ANKFN1: variants seen among roughly 807,000 people sequenced by gnomAD.
The protein encoded by ANKFN1 is ankyrin repeat and fibronectin type-III domain-containing protein 1.
Under a neutral mutation model 108.7 loss-of-function variants are expected in ANKFN1, and 74 were observed. That is an observed-to-expected ratio of 0.68 (90% CI 0.56 to 0.83). The LOEUF is 0.83. Ranked by LOEUF, ANKFN1 falls within the 40% of genes least tolerant of loss-of-function variation. The probability of loss-of-function intolerance (pLI) is 0.00; values close to 1 mark genes in which losing one functional copy is unlikely to be tolerated. For missense variants in ANKFN1, 1,505 were observed against 1,382.3 expected, an observed-to-expected ratio of 1.09 and a Z score of -1.41; for synonymous variants, 547 against 516.2, an observed-to-expected ratio of 1.06 and a Z score of -0.81.
intron 3 of ANKFN1, chr17:56,323,149 C>T (rs1567912798): frequency 6.6e-6 from 1 of 152,050 alleles, no homozygotes; most frequent in Non-Finnish European, 1.5e-5. Context: ...AGGGGAAGTT[C>T]TGAGTGTGGA....
chr17:56,053,807 C>T (rs1234621869), intron 4 of ANKFN1, among the ~76,000 whole-genome samples: 1 of 152,088 alleles, frequency 6.6e-6, no homozygotes, highest in South Asian at 2.1e-4. Context: ...CACATCTTCA[C>T]CAGCATTTGA....
At chr17:56,465,867 T>G (rs1023062276) in intron 14 of ANKFN1, among the ~76,000 whole-genome samples, 1 of 152,202 alleles carries the variant, frequency 6.6e-6, no homozygotes, top group Non-Finnish European at 1.5e-5. Flanking sequence ...GTGCAGTCAT[T>G]TGGGGACCTG....
At chr17:56,422,578 T>C (rs2048446167) in intron 8 of ANKFN1, among the ~76,000 whole-genome samples, 1 of 152,192 alleles carries the variant, frequency 6.6e-6, no homozygotes, top group Non-Finnish European at 1.5e-5. Flanking sequence ...CAGTATCCAA[T>C]GTTGGCAAAT....
upstream of ANKFN1, among the ~76,000 whole-genome samples, chr17:56,149,405 C>T (rs1567804929): frequency 1.3e-5 from 2 of 152,082 alleles, no homozygotes; most frequent in Non-Finnish European, 2.9e-5. Context: ...TGAATCATAA[C>T]TAAAGGAAAA....
chr17:56,420,421 T>C (rs1244467813), intron 8 of ANKFN1, among the ~76,000 whole-genome samples: 1 of 152,136 alleles, frequency 6.6e-6, no homozygotes, highest in African/African-American at 2.4e-5. Flanking sequence ...TGGCAAACTA[T>C]TTCTTTTGTT....
At chr17:56,109,101 G>C (rs1216256144) in intron 4 of ANKFN1, among the ~76,000 whole-genome samples, 2 of 152,168 alleles carry the variant, frequency 1.3e-5, no homozygotes, top group African/African-American at 4.8e-5. Context: ...ACATCTCTGA[G>C]TCTCAGATTC....
At chr17:56,421,196 G>A (rs1324412611) in intron 8 of ANKFN1, among the ~76,000 whole-genome samples, 1 of 152,138 alleles carries the variant, frequency 6.6e-6, no homozygotes, top group Non-Finnish European at 1.5e-5. Flanking sequence ...TGATAGCTAG[G>A]TTCAGAGTTT....
chr17:56,134,099 A>G (rs1052171423), intron 4 of ANKFN1, among the ~76,000 whole-genome samples: 3 of 152,184 alleles, frequency 2.0e-5, no homozygotes, highest in African/African-American at 7.2e-5. Context: ...GGGTTTAAGA[A>G]TGGCTCACAG....
At chr17:56,220,933 A>T (rs1454758323) in intron 2 of ANKFN1, among the ~76,000 whole-genome samples, 1 of 151,426 alleles carries the variant, frequency 6.6e-6, no homozygotes, top group African/African-American at 2.4e-5. Flanking sequence ...GAACGAACGA[A>T]CGAAAGAAAG....
intron 10 of ANKFN1, among the ~76,000 whole-genome samples, chr17:56,443,536 G>A (rs539201051): frequency 3.9e-5 from 6 of 152,096 alleles, no homozygotes; most frequent in East Asian, 3.9e-4. Flanking sequence ...TTCCTCACCC[G>A]CAGTGCACAC....
chr17:56,423,140 G>A (rs191201136), intron 8 of ANKFN1, among the ~76,000 whole-genome samples: 264 of 152,314 alleles, frequency 1.7e-3, no homozygotes, highest in African/African-American at 5.7e-3. Context: ...AATCCTTCAA[G>A]GGAAATCTAG....
chr17:56,174,225 C>T, intron 1 of ANKFN1: 8 of 985,526 alleles, frequency 8.1e-6, no homozygotes, highest in Non-Finnish European at 9.6e-6. Context: ...CTCTCTTTGC[C>T]AGCAGCTCTT....
At chr17:56,414,149 T>G (rs191675217) in intron 8 of ANKFN1, among the ~76,000 whole-genome samples, 139 of 152,300 alleles carry the variant, frequency 9.1e-4, no homozygotes, top group East Asian at 2.3e-3. Flanking sequence ...TGAATTTTTT[T>G]TTGTTGTTGT....
chr17:56,214,208 G>A (rs1915255398), intron 2 of ANKFN1, among the ~76,000 whole-genome samples: 1 of 152,182 alleles, frequency 6.6e-6, no homozygotes, highest in African/African-American at 2.4e-5. Context: ...CTAGGGATGT[G>A]CCTTTAACTC....
intron 4 of ANKFN1, among the ~76,000 whole-genome samples, chr17:56,331,816 C>G (rs2045670916): frequency 6.6e-6 from 1 of 152,040 alleles, no homozygotes; most frequent in Non-Finnish European, 1.5e-5. Flanking sequence ...TGCAAATTAT[C>G]TATTGGGTAT....
At chr17:56,236,161 G>A (rs75728918) in intron 3 of ANKFN1, among the ~76,000 whole-genome samples, 14,234 of 151,866 alleles carry the variant, frequency 0.094, 872 homozygotes, top group East Asian at 0.22. Flanking sequence ...AGGTTCAAGC[G>A]ATTCTTCTGC....
intron 8 of ANKFN1, among the ~76,000 whole-genome samples, chr17:56,417,268 C>T (rs1403971837): frequency 1.3e-5 from 2 of 152,106 alleles, no homozygotes; most frequent in East Asian, 3.8e-4. Context: ...AATGGAGACC[C>T]TATTTTCCGT....
intron 19 of ANKFN1, among the ~76,000 whole-genome samples, chr17:56,494,830 C>T (rs547021832): frequency 1.3e-5 from 2 of 152,240 alleles, no homozygotes; most frequent in East Asian, 3.9e-4. Flanking sequence ...CTTATGCCTC[C>T]CTGAATCCAG....
At chr17:56,198,078 T>C (rs1266582484) in intron 1 of ANKFN1, among the ~76,000 whole-genome samples, 2 of 152,082 alleles carry the variant, frequency 1.3e-5, no homozygotes, top group African/African-American at 4.8e-5. Flanking sequence ...CTTATGAGAG[T>C]CTAATGCCTG....
Sources: gnomAD v4.1 joint callset for allele counts (sites outside exome capture counted in the v4.1 genomes callset) on GRCh38, gnomAD v4.1.1 for gene constraint, MANE v1.5 for transcripts, NCBI Gene and HGNC (gene_info 2026-07-23, HGNC 2026-07-21) for gene names.